DDIT3: variants seen among roughly 807,000 people sequenced by gnomAD.
DDIT3 encodes the protein DNA damage inducible transcript 3.
DDIT3 carries 14 observed loss-of-function variants against 17.6 expected under a neutral mutation model. The ratio of observed to expected loss-of-function variants is 0.80; its 90% confidence interval spans 0.53 to 1.25. The LOEUF is 1.25. DDIT3 is among the 50% of genes most tolerant of loss of function. The probability of loss-of-function intolerance (pLI) is 0.00; values close to 1 mark genes in which losing one functional copy is unlikely to be tolerated. For synonymous variants in DDIT3, 93 were observed against 76.5 expected (o/e 1.22, Z -1.13); for missense variants, 216 against 202.7 (o/e 1.07, Z -0.40).
chr12:57,517,269 C>T lies in DDIT3; in HGVS notation c.138G>A (p.Glu46=). 6.2e-7 allele frequency: 1 copy of T among 1,614,032 alleles called. No individual in the cohort carries two copies. Among genetic ancestry groups the T allele is most frequent in the Non-Finnish European group, 8.5e-7 (1 of 1,179,972 alleles). The change falls in exon 3 of 4, where the codon GAG becomes GAA. Residue 46 remains glutamate (E), a splice_region_variant and synonymous_variant. Coordinates refer to ENST00000346473, the MANE Select transcript of DDIT3 (RefSeq NM_004083.6). ...GTYVSPPGNE[E]EESKIFTTLD... is the part of the protein sequence containing the mutation. ...TTAGCTTTAGGGCTAACATTCTTAC[C>T]TCTTCATTTCCAGGAGGTGAAACAT...
chr12:57,517,537 G>T, intron 2 of DDIT3, 99 bp from the exon 3 acceptor site: 1 of 1,290,940 alleles, frequency 7.7e-7, no homozygotes, highest in Non-Finnish European at 1.1e-6. Context: ...TGTAGGTAAA[G>T]TTGTACTGGA....
intron 1 of DDIT3, among the ~76,000 whole-genome samples, chr12:57,518,450 G>T (rs1477812897): frequency 1.3e-5 from 2 of 152,164 alleles, no homozygotes; most frequent in Admixed American, 1.3e-4. Context: ...CAGAACTTCA[G>T]ACTCTGCTGT....
chr12:57,517,828 CTTTCTTTTTTTTTT>C, intron 1 of DDIT3, 75 bp from the exon 2 acceptor site: 1 of 425,854 alleles, frequency 2.3e-6, no homozygotes, highest in Non-Finnish European at 4.1e-6. Flanking sequence ...TTCTTTTTTT[CTTTCTTTTTTTTTT>C]TTTGAGACCA....
chr12:57,519,012 A>G (rs185092071), intron 1 of DDIT3, among the ~76,000 whole-genome samples: 1 of 152,292 alleles, frequency 6.6e-6, no homozygotes, highest in Admixed American at 6.5e-5. Flanking sequence ...AGAAGAATCT[A>G]AACACTTCTA....
At chr12:57,517,963 A>T (rs1878002930) in intron 1 of DDIT3, among the ~76,000 whole-genome samples, 2 of 151,788 alleles carry the variant, frequency 1.3e-5, no homozygotes, top group African/African-American at 4.8e-5. Context: ...AGTAGCTGGG[A>T]CTACAGGCGC....
At chr12:57,519,122 C>G (rs553993257) in intron 1 of DDIT3, 1 of 532,760 alleles carries the variant, frequency 1.9e-6, no homozygotes, top group African/African-American at 1.9e-5. Flanking sequence ...TCTTGCCACC[C>G]CTCCGCAACT....
At chr12:57,517,776 T>G (rs1877981416) in intron 1 of DDIT3, 23 bp from the exon 2 acceptor site, 2 of 428,184 alleles carry the variant, frequency 4.7e-6, no homozygotes, top group Non-Finnish European at 4.1e-6. Flanking sequence ...AAGAGAAATG[T>G]CAGCCATTTT....
chr12:57,517,110 G>C lies in DDIT3; in HGVS notation c.209C>G (p.Pro70Arg), dbSNP rs781256056. 15 of 1,613,706 alleles carry C rather than the reference G, an allele frequency of 9.3e-6. No individual in the cohort carries two copies. The Admixed American group carries it at 2.2e-4, about 23-fold the overall frequency. ...LAWLTEEEPE[P>R]AEVTSTSQSP... ...CTGGGAGGTGCTTGTGACCTCTGCT[G>C]GTTCTGGCTCCTCCTCAGTCAGCCA... The change falls in exon 4 of 4, where the codon CCA (proline) becomes CGA (arginine). Residue 70 changes from proline to arginine, a missense_variant. Coordinates refer to ENST00000346473, the MANE Select transcript of DDIT3 (RefSeq NM_004083.6).
intron 1 of DDIT3, among the ~76,000 whole-genome samples, chr12:57,518,085 T>C (rs1193495467): frequency 1.3e-5 from 2 of 152,194 alleles, no homozygotes; most frequent in Non-Finnish European, 2.9e-5. Flanking sequence ...CCCAAAGTGC[T>C]GGGATTATAG....
chr12:57,518,928 G>A (rs1028739960), intron 1 of DDIT3, among the ~76,000 whole-genome samples: 16 of 152,192 alleles, frequency 1.1e-4, no homozygotes, highest in Non-Finnish European at 1.5e-4. Context: ...CCAAAGTGCT[G>A]GGATTACAGG....
intron 1 of DDIT3, among the ~76,000 whole-genome samples, chr12:57,519,431 G>A (rs909813830): frequency 2.6e-5 from 4 of 152,122 alleles, no homozygotes; most frequent in Admixed American, 2.6e-4. Context: ...AAACTGTGTG[G>A]CACACAGTAG....
chr12:57,519,845 T>C (rs866653909), intron 1 of DDIT3, among the ~76,000 whole-genome samples: 2 of 152,158 alleles, frequency 1.3e-5, no homozygotes, highest in Middle Eastern at 3.4e-3. Context: ...CCCAGAGACC[T>C]CTACGGCAAA....
chr12:57,519,463 AGAAT>A (rs1257887306), intron 1 of DDIT3, among the ~76,000 whole-genome samples: 1 of 152,208 alleles, frequency 6.6e-6, no homozygotes, highest in Non-Finnish European at 1.5e-5. Context: ...GTATTTGTTA[AGAAT>A]GAATGGATAA....
At chr12:57,519,151 C>G (rs1397954331) in intron 1 of DDIT3, 1 of 533,276 alleles carries the variant, frequency 1.9e-6, no homozygotes, top group Non-Finnish European at 3.8e-6. Flanking sequence ...CATACAGCAG[C>G]CTGAGTGAGC....
intron 1 of DDIT3, chr12:57,519,257 T>C (rs1458355263): frequency 7.6e-6 from 4 of 528,252 alleles, no homozygotes; most frequent in Non-Finnish European, 1.2e-5. Flanking sequence ...AGGAATTACC[T>C]AAGGTAATTC....
chr12:57,518,025 C>T (rs1312171189), intron 1 of DDIT3, among the ~76,000 whole-genome samples: 4 of 152,100 alleles, frequency 2.6e-5, no homozygotes, highest in Non-Finnish European at 5.9e-5. Flanking sequence ...TAGGGTTTCA[C>T]TATGTTGGCC....
chr12:57,517,261 A>G lies in DDIT3; in HGVS notation c.138+8T>C. The G allele has an allele frequency of 1.2e-6, 2 of 1,614,052 alleles. No individual in the cohort carries two copies. Among genetic ancestry groups the G allele is most frequent in the Non-Finnish European group, 1.7e-6 (2 of 1,179,930 alleles). Reference sequence around the variant, plus strand: ...ATCCCCCTTTAGCTTTAGGGCTAACATTCTTACCTCTTCATTTCCAGGAGG... The same window carrying G: ...ATCCCCCTTTAGCTTTAGGGCTAACGTTCTTACCTCTTCATTTCCAGGAGG... On this transcript the variant is annotated splice_region_variant and intron_variant, in intron 3 of 3. Coordinates refer to ENST00000346473, the MANE Select transcript of DDIT3 (RefSeq NM_004083.6).
Position 57,517,019 on chromosome 12 carries a change from C to T in DDIT3, c.300G>A (p.Gly100=), listed in dbSNP as rs968537087. Residue 100 remains glycine (G), a synonymous_variant, in exon 4 of 4, where the codon GGG becomes GGA. Coordinates refer to ENST00000346473, the MANE Select transcript of DDIT3 (RefSeq NM_004083.6). ...CACTCTGTTTCCGTTTCCTGGTTCT[C>T]CCTTGGTCTTCCTCCTCTTCCTCCT... ...LAQEEEEEDQ[G]RTRKRKQSGH... 1.2e-6 allele frequency: 2 copies of T among 1,614,050 alleles called. No homozygotes were observed. Among genetic ancestry groups the T allele is most frequent in the Admixed American group, 3.3e-5 (2 of 60,006 alleles).
intron 1 of DDIT3, chr12:57,519,074 A>C: frequency 3.8e-6 from 2 of 529,214 alleles, no homozygotes; most frequent in Admixed American, 3.9e-5. Flanking sequence ...AAATTACTGC[A>C]GAAACTTTCT....
Sources: allele counts gnomAD v4.1 joint callset (sites outside exome capture counted in the v4.1 genomes callset), GRCh38; gene constraint gnomAD v4.1.1; transcripts MANE v1.5; gene names NCBI Gene and HGNC (gene_info 2026-07-23, HGNC 2026-07-21).